The following CNTN4 variants were observed in gnomAD, a reference collection of about 807,000 sequenced individuals.
CNTN4 encodes contactin-4.
In CNTN4, 77 loss-of-function variants were observed where a neutral mutation model predicts 122.5. The ratio of observed to expected loss-of-function variants is 0.63; its 90% CI spans 0.52 to 0.76. CNTN4 has a LOEUF of 0.76. CNTN4 is among the 30% of genes least tolerant of loss of function. CNTN4 has a pLI of 0.00. For synonymous variants in CNTN4, 512 were observed against 447.0 expected (o/e 1.15, Z -1.83); for missense variants, 1,256 against 1,259.1 (o/e 1.00, Z 0.04).
intron 4 of CNTN4, among the ~76,000 whole-genome samples, chr3:2,729,677 T>G (rs9310837): frequency 0.34 from 51,026 of 151,952 alleles, 9,962 homozygotes; most frequent in Non-Finnish European, 0.44. Context: ...CACTTTGGGA[T>G]GCGAAGGCAG....
At chr3:2,645,102 C>G (rs140334708) in intron 4 of CNTN4, among the ~76,000 whole-genome samples, 1 of 151,984 alleles carries the variant, frequency 6.6e-6, no homozygotes. Context: ...CCTTACCTAT[C>G]TCTTTCTCTT....
chr3:2,109,059 T>C (rs1397934552), intron 2 of CNTN4, among the ~76,000 whole-genome samples: 1 of 152,210 alleles, frequency 6.6e-6, no homozygotes, highest in Non-Finnish European at 1.5e-5. Context: ...GATAATTACT[T>C]GGTCTTTGAA....
intron 2 of CNTN4, among the ~76,000 whole-genome samples, chr3:2,254,220 C>T (rs1386144255): frequency 6.6e-6 from 1 of 152,114 alleles, no homozygotes; most frequent in African/African-American, 2.4e-5. Flanking sequence ...GACATGAACT[C>T]ATCCTTTTTT....
At chr3:2,729,417 C>T (rs1185671319) in intron 4 of CNTN4, among the ~76,000 whole-genome samples, 9 of 150,820 alleles carry the variant, frequency 6.0e-5, no homozygotes, top group Admixed American at 6.6e-5. Flanking sequence ...TGGTGGCAGG[C>T]GCCTGTATTT....
intron 3 of CNTN4, among the ~76,000 whole-genome samples, chr3:2,448,249 T>C (rs1421346402): frequency 6.6e-6 from 1 of 152,190 alleles, no homozygotes; most frequent in East Asian, 1.9e-4. Flanking sequence ...GCAGAGAATG[T>C]AGTGTCCAGT....
intron 3 of CNTN4, among the ~76,000 whole-genome samples, chr3:2,414,746 A>T (rs1030544755): frequency 3.3e-5 from 5 of 152,166 alleles, no homozygotes; most frequent in Non-Finnish European, 1.5e-5. Context: ...TTTCTATAGT[A>T]TGGAGAAAGA....
rs56014308 is a variant in CNTN4 at position 2,287,711 on chromosome 3, GGAAGAA to G, written c.-144-51405_-144-51400del. Among the ~76,000 whole-genome samples, 74 of 65,384 alleles carry G rather than the reference GGAAGAA, an allele frequency of 1.1e-3. 3 individuals are homozygous for G. Among genetic ancestry groups the G allele is most frequent in the African/African-American group, 3.6e-3 (59 of 16,344 alleles). 42.9% of individuals were successfully genotyped at this position (65,384 alleles called of 152,430 possible). On this transcript the variant is annotated intron_variant, in intron 2 of 24. Transcript: ENST00000418658. ...AAGAAGAGGAAGAAGAAGAAGAAGA[GGAAGAA>G]GAAGAAGAAGAAGAAGAAGAAGAAG...
intron 3 of CNTN4, among the ~76,000 whole-genome samples, chr3:2,479,736 A>G (rs905848051): frequency 6.6e-6 from 1 of 152,168 alleles, no homozygotes; most frequent in Non-Finnish European, 1.5e-5. Flanking sequence ...GCTGTTCTTC[A>G]TGGCTCTGAG....
intron 3 of CNTN4, among the ~76,000 whole-genome samples, chr3:2,343,583 C>A (rs749294040): frequency 3.5e-4 from 53 of 152,198 alleles, no homozygotes; most frequent in Non-Finnish European, 5.9e-4. Context: ...GTAACCAGTG[C>A]TCTTGAGCCA....
At chr3:2,840,336 C>G (rs1465491696) in intron 7 of CNTN4, among the ~76,000 whole-genome samples, 2 of 152,008 alleles carry the variant, frequency 1.3e-5, no homozygotes, top group Non-Finnish European at 2.9e-5. Flanking sequence ...AAACTCAGAT[C>G]TTTTCTTTTC....
intron 2 of CNTN4, among the ~76,000 whole-genome samples, chr3:2,197,869 G>GC (rs1326606240): frequency 6.6e-6 from 1 of 151,970 alleles, no homozygotes; most frequent in Non-Finnish European, 1.5e-5. Flanking sequence ...ACAAAAATTA[G>GC]CCAGGAGTGG....
chr3:2,675,525 T>C (rs1380035508), intron 4 of CNTN4, among the ~76,000 whole-genome samples: 1 of 152,204 alleles, frequency 6.6e-6, no homozygotes, highest in Non-Finnish European at 1.5e-5. Context: ...TTTATTTATG[T>C]TTCCATTTAT....
chr3:2,893,667 A>G (rs1559629634), intron 10 of CNTN4, among the ~76,000 whole-genome samples: 1 of 152,198 alleles, frequency 6.6e-6, no homozygotes. Context: ...TAAGCCATGA[A>G]AAAAAGAGTC....
At chr3:3,039,654 C>T in intron 19 of CNTN4, 1 of 254,700 alleles carries the variant, frequency 3.9e-6, no homozygotes, top group Non-Finnish European at 7.7e-6. Flanking sequence ...GTTTTTCTTC[C>T]TTCAGTGAGA....
At chr3:2,411,524 T>A (rs2047227325) in intron 3 of CNTN4, among the ~76,000 whole-genome samples, 1 of 152,190 alleles carries the variant, frequency 6.6e-6, no homozygotes, top group Admixed American at 6.5e-5. Flanking sequence ...CTTACATGAT[T>A]GCCCTGTTTA....
chr3:2,487,381 G>T (rs2076192824), intron 3 of CNTN4, among the ~76,000 whole-genome samples: 1 of 152,110 alleles, frequency 6.6e-6, no homozygotes, highest in African/African-American at 2.4e-5. Context: ...GCCACCTTTT[G>T]TCCAGCAACC....
intron 3 of CNTN4, among the ~76,000 whole-genome samples, chr3:2,376,578 G>T (rs947440747): frequency 7.3e-5 from 11 of 151,330 alleles, no homozygotes; most frequent in Non-Finnish European, 1.3e-4. Flanking sequence ...ACAGTCCACA[G>T]TTGCAGTTGT....
chr3:2,174,891 C>T (rs1487896623), intron 2 of CNTN4, among the ~76,000 whole-genome samples: 1 of 152,038 alleles, frequency 6.6e-6, no homozygotes, highest in Non-Finnish European at 1.5e-5. Flanking sequence ...TTTCAAACAA[C>T]TGTATATGGA....
chr3:2,978,415 A>C (rs75548751), intron 13 of CNTN4, among the ~76,000 whole-genome samples: 3 of 152,172 alleles, frequency 2.0e-5, no homozygotes, highest in African/African-American at 7.2e-5. Flanking sequence ...AGAGAGGTTC[A>C]AGCCAGGCAT....
Sources: gnomAD v4.1 joint callset for allele counts (sites outside exome capture counted in the v4.1 genomes callset) on GRCh38, gnomAD v4.1.1 for gene constraint, MANE v1.5 for transcripts, NCBI Gene and HGNC (gene_info 2026-07-23, HGNC 2026-07-21) for gene names.